TENM3: variants seen among roughly 807,000 people sequenced by gnomAD.
TENM3 encodes the protein teneurin-3.
TENM3 carries 63 observed loss-of-function variants against 255.1 expected under a neutral mutation model. That is an observed-to-expected ratio of 0.25 (90% CI 0.20 to 0.30). The LOEUF (loss-of-function observed/expected upper bound fraction) is 0.30, where lower values mean the gene tolerates loss of function less well. TENM3 is among the 10% of genes least tolerant of loss of function. The pLI is 1.00. For synonymous variants in TENM3, 1,306 were observed against 1,322.3 expected, an observed-to-expected ratio of 0.99 and a Z score of 0.27; for missense variants, 2,929 against 3,461.1, an observed-to-expected ratio of 0.85 and a Z score of 3.86.
At chr4:181,950,501 A>C in the TENM3 span, among the ~76,000 whole-genome samples, 40 of 152,258 alleles carry the variant, frequency 2.6e-4, no homozygotes, top group African/African-American at 9.6e-4. Context: ...CACCATATTA[A>C]TTGAACATTT....
the TENM3 span, among the ~76,000 whole-genome samples, chr4:181,806,553 AGGGCTTCTT>A: frequency 6.6e-6 from 1 of 152,204 alleles, no homozygotes; most frequent in Non-Finnish European, 1.5e-5. Flanking sequence ...CCTTTTAAAA[AGGGCTTCTT>A]GGCTCTTCCA....
At chr4:181,750,744 G>A in the TENM3 span, among the ~76,000 whole-genome samples, 6 of 151,746 alleles carry the variant, frequency 4.0e-5, no homozygotes, top group Non-Finnish European at 5.9e-5. Flanking sequence ...TTGTTGGGTC[G>A]GTTTTGGGCC....
In TENM3 at chr4:182,771,507, G is replaced by GT. The variant is rs1339212136; in HGVS notation, c.4893-1965_4893-1964insT. Among the ~76,000 whole-genome samples, 7 of 147,684 alleles carry GT rather than the reference G, an allele frequency of 4.7e-5. No homozygotes were observed. The Middle Eastern group carries it at 0.01, about 220-fold the overall frequency. On this transcript the variant is annotated intron_variant, in intron 22 of 27. Coordinates refer to ENST00000511685, the MANE Select transcript of TENM3 (RefSeq NM_001080477.4). Reference sequence around the variant, plus strand: ...TTTTCCGTCTCTGAAATGGGGGGGGGGGAAATAGTACAATACAGAATTCTC... The same window carrying GT: ...TTTTCCGTCTCTGAAATGGGGGGGGGTGGAAATAGTACAATACAGAATTCTC...
the TENM3 span, among the ~76,000 whole-genome samples, chr4:182,009,399 G>C: frequency 6.6e-6 from 1 of 151,782 alleles, no homozygotes; most frequent in Non-Finnish European, 1.5e-5. Context: ...TGGGACATCC[G>C]AATTCTGTCC....
In TENM3 at chr4:182,436,606, A is replaced by G. The variant is rs551256340; in HGVS notation, c.511+89677A>G. On this transcript the variant is annotated intron_variant, in intron 3 of 27. Transcript: ENST00000511685. ...CAAAGTATGTACACCTTCGGTAGGA[A>G]GAATAAAAGCACATGATATGGCTGT... Among the ~76,000 whole-genome samples, 44 of 152,324 alleles carry G rather than the reference A, an allele frequency of 2.9e-4. 1 individual carries two copies. Among genetic ancestry groups the G allele is most frequent in the Middle Eastern group, 3.4e-3 (1 of 294 alleles).
At chr4:181,560,615 G>A in the TENM3 span, among the ~76,000 whole-genome samples, 1 of 152,054 alleles carries the variant, frequency 6.6e-6, no homozygotes, top group Non-Finnish European at 1.5e-5. Context: ...CTCAGGAAAC[G>A]TAATATGATT....
chr4:182,705,936 G>A (rs1340129215), intron 12 of TENM3, among the ~76,000 whole-genome samples: 1 of 152,170 alleles, frequency 6.6e-6, no homozygotes, highest in Non-Finnish European at 1.5e-5. Context: ...ACAGATGACA[G>A]CATTAAAGCT....
At chr4:182,550,455 T>C (rs934101473) in intron 3 of TENM3, among the ~76,000 whole-genome samples, 2 of 152,224 alleles carry the variant, frequency 1.3e-5, no homozygotes, top group South Asian at 4.1e-4. Flanking sequence ...TCAACTGCTC[T>C]AATAAATCTG....
chr4:182,353,055 A>G (rs1386926613), intron 3 of TENM3, among the ~76,000 whole-genome samples: 1 of 152,160 alleles, frequency 6.6e-6, no homozygotes, highest in Non-Finnish European at 1.5e-5. Flanking sequence ...ACTTGCGATC[A>G]TTCTAGGACA....
the TENM3 span, among the ~76,000 whole-genome samples, chr4:181,684,471 T>C: frequency 1.1e-4 from 16 of 152,264 alleles, no homozygotes; most frequent in African/African-American, 3.6e-4. Flanking sequence ...AATATGTTTG[T>C]GTGAAAATGT....
At chr4:182,761,812 A>AAAT (rs1763223765) in intron 22 of TENM3, among the ~76,000 whole-genome samples, 1 of 152,210 alleles carries the variant, frequency 6.6e-6, no homozygotes, top group Admixed American at 6.5e-5. Context: ...TAGTAGAATC[A>AAAT]AATAGTTTAT....
At chr4:182,080,486 A>G in the TENM3 span, among the ~76,000 whole-genome samples, 1 of 152,176 alleles carries the variant, frequency 6.6e-6, no homozygotes, top group South Asian at 2.1e-4. Flanking sequence ...AGGTAGTGAA[A>G]CTAGTAAAAA....
intron 3 of TENM3, among the ~76,000 whole-genome samples, chr4:182,476,722 C>G (rs950042795): frequency 6.6e-6 from 1 of 152,160 alleles, no homozygotes; most frequent in Non-Finnish European, 1.5e-5. Flanking sequence ...AACAATACTT[C>G]CACGGATAAA....
chr4:182,162,210 T>C (rs1381620482), intron 1 of TENM3, among the ~76,000 whole-genome samples: 1 of 151,906 alleles, frequency 6.6e-6, no homozygotes. Flanking sequence ...TGAAAGCAAA[T>C]TTTAAACATT....
the TENM3 span, among the ~76,000 whole-genome samples, chr4:181,636,753 G>A: frequency 2.0e-5 from 3 of 152,026 alleles, no homozygotes; most frequent in African/African-American, 7.2e-5. Context: ...TTCCCTCTTC[G>A]GTTTATCCTC....
At chr4:182,480,813 G>A (rs1330146342) in intron 3 of TENM3, among the ~76,000 whole-genome samples, 1 of 151,840 alleles carries the variant, frequency 6.6e-6, no homozygotes, top group African/African-American at 2.4e-5. Context: ...TGAATTTTCT[G>A]TCAATGACTA....
the TENM3 span, among the ~76,000 whole-genome samples, chr4:181,792,458 C>A: frequency 4.6e-5 from 7 of 152,122 alleles, no homozygotes; most frequent in East Asian, 1.4e-3. Context: ...AAGATAAAAA[C>A]GTAAATAAGT....
chr4:181,832,546 A>G, the TENM3 span, among the ~76,000 whole-genome samples: 5 of 152,166 alleles, frequency 3.3e-5, no homozygotes, highest in African/African-American at 7.2e-5. Flanking sequence ...GCAGCTGGCT[A>G]TTTCCAGGCT....
chr4:182,252,051 T>C (rs563100055), intron 1 of TENM3, among the ~76,000 whole-genome samples: 26 of 151,892 alleles, frequency 1.7e-4, no homozygotes, highest in Non-Finnish European at 2.9e-4. Flanking sequence ...GGTGTGGTGG[T>C]ACATGCCTGT....
Sources: gnomAD v4.1 joint callset for allele counts (sites outside exome capture counted in the v4.1 genomes callset) on GRCh38, gnomAD v4.1.1 for gene constraint, MANE v1.5 for transcripts, NCBI Gene and HGNC (gene_info 2026-07-23, HGNC 2026-07-21) for gene names.